Variants in PHC2 observed in about 807,000 individuals in gnomAD.
The protein encoded by PHC2 is polyhomeotic-like protein 2.
A neutral mutation model predicts 87.4 loss-of-function variants in PHC2; 29 were observed. That is an observed-to-expected ratio of 0.33 (90% confidence interval 0.25 to 0.45). The LOEUF (loss-of-function observed/expected upper bound fraction) is 0.45. Among genes scored for constraint, PHC2 ranks in the 20% least tolerant of loss-of-function variants. The pLI is 1.00. For missense variants in PHC2, 857 were observed against 1,136.7 expected (o/e 0.75, Z 3.54); for synonymous variants, 438 against 461.7 (o/e 0.95, Z 0.66).
At chr1:33,418,607 A>G (rs1482482650) in intron 1 of PHC2, among the ~76,000 whole-genome samples, 1 of 152,198 alleles carries the variant, frequency 6.6e-6, no homozygotes, top group Non-Finnish European at 1.5e-5. Context: ...CTTAAAATCT[A>G]TTCACAAAGA....
At chr1:33,345,741 T>G in intron 9 of PHC2, 1 of 984,684 alleles carries the variant, frequency 1.0e-6, no homozygotes, top group Non-Finnish European at 1.2e-6. Flanking sequence ...TTGTAATAAT[T>G]ATGTCTTGGA....
At position 33,331,480 on chromosome 1, in the gene PHC2, G is replaced by A. The variant is rs1163467907; in HGVS notation, c.1892-18C>T. On this transcript the variant is annotated intron_variant, in intron 11 of 14. Transcript: ENST00000683057. The surrounding 1 kb of genome is among the most constrained non-coding windows in gnomAD (Gnocchi z 5.2). ...TTTGGATTCTGAAAAGTATAGAAAT[G>A]GGTAGGGTGGAGAATGAGAAATTCC... 2.1e-6 allele frequency: 3 copies of A among 1,420,196 alleles called. No individual in the cohort carries two copies. In the South Asian group the frequency reaches 3.5e-5, roughly 16 times the overall value. 88.0% of individuals were successfully genotyped at this position (1,420,196 alleles called of 1,614,324 possible). A position where few individuals can be genotyped will look rare whatever the true frequency, so the allele number is the denominator to read the frequency against.
At chr1:33,423,822 G>A (rs1157777801) in intron 1 of PHC2, among the ~76,000 whole-genome samples, 1 of 152,000 alleles carries the variant, frequency 6.6e-6, no homozygotes. Context: ...GAATAAGGCC[G>A]GGCACATGAC....
chr1:33,344,020 A>C (rs1646798121), intron 9 of PHC2, among the ~76,000 whole-genome samples: 1 of 152,234 alleles, frequency 6.6e-6, no homozygotes, highest in African/African-American at 2.4e-5. Context: ...GGGGGTTTTA[A>C]GCAGACAGTG....
At position 33,329,143 on chromosome 1, in the gene PHC2, T is replaced by C. The variant is rs1646434828; in HGVS notation, c.2152A>G (p.Thr718Ala). The C allele has an allele frequency of 6.2e-7, 1 of 1,610,974 alleles. No homozygotes were observed. The highest frequency in any genetic ancestry group is 8.5e-7 in the Non-Finnish European group (1 of 1,177,716). Residue 718 changes from threonine to alanine, a missense_variant, in exon 14 of 15, where the codon ACA becomes GCA. Physicochemically the swap from Thr to Ala is moderately conservative, Grantham distance 58. This residue lies in a region of PHC2 where 832 missense variants were observed against 1,081.8 expected (regional missense o/e 0.77). Transcript: ENST00000683057. ...PLTKDTKKQPTGTVPLSVTAA... is the reference protein window; with the variant it reads ...PLTKDTKKQPAGTVPLSVTAA... ...GTAACCGAAAGGGGCACAGTGCCTG[T>C]TGGCTGGGAGCAGAGAGTTTTCTTC...
intron 1 of PHC2, among the ~76,000 whole-genome samples, chr1:33,380,737 T>G (rs1476259781): frequency 1.3e-5 from 2 of 152,230 alleles, no homozygotes; most frequent in Non-Finnish European, 2.9e-5. Context: ...CATGTGAATA[T>G]CCATTTGTCC....
chr1:33,429,902 G>A (rs967966527), intron 1 of PHC2, among the ~76,000 whole-genome samples: 1 of 152,152 alleles, frequency 6.6e-6, no homozygotes, highest in Non-Finnish European at 1.5e-5. Flanking sequence ...TGATATCACG[G>A]GCGCATTAGC....
chr1:33,430,042 A>G (rs1196933656), intron 1 of PHC2, among the ~76,000 whole-genome samples: 2 of 152,102 alleles, frequency 1.3e-5, no homozygotes, highest in Non-Finnish European at 2.9e-5. Flanking sequence ...GCTAAATTAC[A>G]CTGTGAGCCT....
intron 9 of PHC2, among the ~76,000 whole-genome samples, chr1:33,339,578 C>T (rs1265809704): frequency 6.6e-6 from 1 of 152,160 alleles, no homozygotes; most frequent in Non-Finnish European, 1.5e-5. Context: ...GGCAGGATGA[C>T]CTCTAGAGGC....
In PHC2 at chr1:33,369,261, G is replaced by A. The variant is rs1288525737; in HGVS notation, c.577-639C>T. Among the ~76,000 whole-genome samples, 1 of 152,174 alleles carries A rather than the reference G, an allele frequency of 6.6e-6. No homozygotes were observed. The highest frequency in any genetic ancestry group is 1.5e-5 in the Non-Finnish European group (1 of 68,028). ...CATGGTGTTCTCTGCATGACACCTCGACCTCCGTGGGAGTCTAGCTCTGCA... is the reference window on the plus strand; with the variant it reads ...CATGGTGTTCTCTGCATGACACCTCAACCTCCGTGGGAGTCTAGCTCTGCA... On this transcript the variant is annotated intron_variant, in intron 5 of 14. Transcript: ENST00000683057. This position sits in a 1 kb window ranked among gnomAD's most constrained non-coding sequence, Gnocchi z 4.7.
chr1:33,354,435 G>C lies in PHC2; in HGVS notation c.1524C>G (p.Pro508=), dbSNP rs750584729. 1 of 1,613,936 alleles carries C rather than the reference G, an allele frequency of 6.2e-7. No individual in the cohort carries two copies. Among genetic ancestry groups the C allele is most frequent in the Non-Finnish European group, 8.5e-7 (1 of 1,179,968 alleles). ...VTAMPGGLPV[P]TSPNIQPSPA... is the part of the protein sequence containing the mutation. Reference sequence around the variant, plus strand: ...GGGACGGCTGGATGTTAGGGCTCGTGGGTACAGGCAGGCCACCAGGCATGG... The same window carrying C: ...GGGACGGCTGGATGTTAGGGCTCGTCGGTACAGGCAGGCCACCAGGCATGG... Residue 508 remains proline, a synonymous_variant, in exon 9 of 15, where the codon CCC becomes CCG. Transcript: ENST00000683057.
At position 33,368,763 on chromosome 1, in the gene PHC2, A is replaced by G; in HGVS notation, c.577-141T>C. 1.5e-6 allele frequency: 1 copy of G among 683,458 alleles called. No homozygotes were observed. The highest frequency in any genetic ancestry group is 1.6e-5 in the South Asian group (1 of 61,258). 42.3% of individuals were successfully genotyped at this position (683,458 alleles called of 1,614,324 possible). ...GCCACAGGACACAACTGTTTAGCCC[A>G]GGAGCGGCTATGAGGAAGGGCAGGA... is the stretch of plus-strand genomic sequence containing the variant. On this transcript the variant is annotated intron_variant, in intron 5 of 14. Transcript: ENST00000683057. This position sits in a 1 kb window ranked among gnomAD's most constrained non-coding sequence, Gnocchi z 6.6.
intron 1 of PHC2, among the ~76,000 whole-genome samples, chr1:33,421,645 G>C (rs1440837990): frequency 6.6e-6 from 1 of 152,188 alleles, no homozygotes; most frequent in Admixed American, 6.5e-5. Context: ...TTTGTGTTTA[G>C]GACAAATAAA....
rs1647743231 is a variant in PHC2, at chr1:33,370,335, C to T, written c.576+86G>A. The T allele has an allele frequency of 5.0e-6, 7 of 1,388,462 alleles. No homozygotes were observed. The South Asian group carries it at 7.8e-5, about 15-fold the overall frequency. The allele number at this position is 1,388,462 out of a possible 1,614,324, so 86.0% of individuals were successfully genotyped here. Reference sequence around the variant, plus strand: ...GCCCCTGCCCCTAGTGCTTCCTCCCCACCCTTCTCCAGCTCCCAGCTCCCA... The same window carrying T: ...GCCCCTGCCCCTAGTGCTTCCTCCCTACCCTTCTCCAGCTCCCAGCTCCCA... On this transcript the variant is annotated intron_variant, in intron 5 of 14. Transcript: ENST00000683057.
In PHC2 at chr1:33,356,255, ATATATATATATATATATATATG is replaced by A. The variant is rs1313452319; in HGVS notation, c.977-1024_977-1003del. On this transcript the variant is annotated intron_variant, in intron 7 of 14. Transcript: ENST00000683057. Reference sequence around the variant, plus strand: ...CTCTTTGAGGTGAAAATTCTTATATATATATATATATATATATATATGTATATATATATATATATTTATTTAT... The same window carrying A: ...CTCTTTGAGGTGAAAATTCTTATATATATATATATATATATATTTATTTAT... Among the ~76,000 whole-genome samples, 610 of 80,816 alleles carry A rather than the reference ATATATATATATATATATATATG, an allele frequency of 7.5e-3. 7 individuals are homozygous for A. The highest frequency in any genetic ancestry group is 0.027 in the African/African-American group (569 of 21,254). The allele number at this position is 80,816 out of a possible 152,430, so 53.0% of individuals were successfully genotyped here.
At chr1:33,374,671 T>C (rs1648055783) in intron 2 of PHC2, among the ~76,000 whole-genome samples, 1 of 152,192 alleles carries the variant, frequency 6.6e-6, no homozygotes, top group South Asian at 2.1e-4. Flanking sequence ...CTTTTCTGCC[T>C]GTATTATCCA....
At chr1:33,361,969 C>T (rs1647204548) in intron 7 of PHC2, among the ~76,000 whole-genome samples, 1 of 152,220 alleles carries the variant, frequency 6.6e-6, no homozygotes, top group Admixed American at 6.5e-5. Flanking sequence ...GCTTAAGTAA[C>T]TTGATCATAG....
intron 1 of PHC2, among the ~76,000 whole-genome samples, chr1:33,393,319 C>T (rs1198927871): frequency 6.6e-6 from 1 of 152,156 alleles, no homozygotes; most frequent in Non-Finnish European, 1.5e-5. Flanking sequence ...CTAAGCCTGG[C>T]ACTTCTACCC....
chr1:33,408,344 T>G, intron 1 of PHC2, among the ~76,000 whole-genome samples: 1 of 152,244 alleles, frequency 6.6e-6, no homozygotes. Context: ...ACTAGTTTGC[T>G]TCAAATGGAG....
Sources: gnomAD v4.1 joint callset for allele counts (sites outside exome capture counted in the v4.1 genomes callset) on GRCh38, gnomAD v4.1.1 for gene constraint, gnomAD v4.1.1 regional missense constraint, Gnocchi (gnomAD v3.1) non-coding constraint, MANE v1.5 for transcripts, NCBI Gene and HGNC (gene_info 2026-07-23, HGNC 2026-07-21) for gene names.